The following PARP12 variants were observed in gnomAD, a reference collection of about 807,000 sequenced individuals.
PARP12 encodes the protein poly(ADP-ribose) polymerase family member 12.
PARP12 carries 59 observed loss-of-function variants against 72.4 expected under a neutral mutation model. That is an observed-to-expected ratio of 0.81 (90% confidence interval 0.66 to 1.01). The LOEUF (loss-of-function observed/expected upper bound fraction) is 1.01, where lower values mean the gene tolerates loss of function less well. PARP12 is among the 50% of genes least tolerant of loss of function. The pLI is 0.00. For missense variants in PARP12, 851 were observed against 914.0 expected (o/e 0.93, Z 0.89); for synonymous variants, 403 against 371.4 (o/e 1.09, Z -0.98).
chr7:140,026,879 T>C (rs997171749), intron 10 of PARP12, among the ~76,000 whole-genome samples: 2 of 152,120 alleles, frequency 1.3e-5, no homozygotes, highest in African/African-American at 4.8e-5. Flanking sequence ...GAGTGGGTGC[T>C]CAAGGACAAG....
At chr7:140,061,862 A>T (rs1817460109) in intron 1 of PARP12, among the ~76,000 whole-genome samples, 1 of 151,260 alleles carries the variant, frequency 6.6e-6, no homozygotes, top group Non-Finnish European at 1.5e-5. Context: ...AAAAATCCTC[A>T]AATGGGATGT....
chr7:140,062,791 GC>G lies in PARP12; in HGVS notation c.56del (p.Gly19AlafsTer16), dbSNP rs1554390346. On this transcript the variant is annotated frameshift_variant, in exon 1 of 12. Coordinates refer to ENST00000263549, the MANE Select transcript of PARP12 (RefSeq NM_022750.4). LOFTEE classifies it high-confidence loss of function. ...GCCGCAGCTCGGGCAACTCCAGGGCGCCCCCGGCCGCGCACAGCACCTGGGT... is the reference window on the plus strand; with the variant it reads ...GCCGCAGCTCGGGCAACTCCAGGGCGCCCCGGCCGCGCACAGCACCTGGGT... ...EVTQVLCAAG[G>X]ALELPELRRR... 58 of 1,409,176 alleles carry G rather than the reference GC, an allele frequency of 4.1e-5. No homozygotes were observed. Among genetic ancestry groups the G allele is most frequent in the South Asian group, 1.8e-4 (13 of 71,192 alleles). The allele number at this position is 1,409,176 out of a possible 1,614,324, so 87.3% of individuals were successfully genotyped here.
At chr7:140,033,417 G>C (rs370835368) in intron 8 of PARP12, 10 of 985,282 alleles carry the variant, frequency 1.0e-5, no homozygotes, top group East Asian at 2.3e-4. Flanking sequence ...CCTCTCAGGC[G>C]AACAGAAGGT....
chr7:140,025,434 AACTG>A (rs1173739271), intron 11 of PARP12: 2 of 347,334 alleles, frequency 5.8e-6, no homozygotes, highest in African/African-American at 2.1e-5. Context: ...CTCAGACGGA[AACTG>A]ACTAACAAAG....
rs2116531795 is a variant in PARP12 at position 140,032,437 on chromosome 7, A to G, written c.1421+1798T>C. 1.3e-5 allele frequency among the ~76,000 whole-genome samples: 2 copies of G among 152,164 alleles called. 1 individual carries two copies. The highest frequency in any genetic ancestry group is 4.2e-4 in the South Asian group (2 of 4,818). On this transcript the variant is annotated intron_variant, in intron 8 of 11. Coordinates refer to ENST00000263549, the MANE Select transcript of PARP12 (RefSeq NM_022750.4). Reference sequence around the variant, plus strand: ...AGCGATCCTTCCATCTTGGCCTCCCAAAGTGCTGGGATTATAGGTGTGCAC... The same window carrying G: ...AGCGATCCTTCCATCTTGGCCTCCCGAAGTGCTGGGATTATAGGTGTGCAC...
chr7:140,059,779 G>A (rs1817364095), intron 1 of PARP12, among the ~76,000 whole-genome samples: 1 of 152,180 alleles, frequency 6.6e-6, no homozygotes, highest in Non-Finnish European at 1.5e-5. Context: ...CTCTGATACG[G>A]AGTGGAAAGT....
At chr7:140,053,464 A>G (rs954639803) in intron 4 of PARP12, among the ~76,000 whole-genome samples, 1 of 152,184 alleles carries the variant, frequency 6.6e-6, no homozygotes, top group African/African-American at 2.4e-5. Context: ...ATTATAAAGG[A>G]GCATAAAACA....
chr7:140,048,512 G>A (rs887381573), intron 4 of PARP12, among the ~76,000 whole-genome samples: 24 of 152,186 alleles, frequency 1.6e-4, no homozygotes, highest in Admixed American at 2.6e-4. Flanking sequence ...GTGACATGCA[G>A]CTAGCTACCT....
At chr7:140,038,070 G>A in intron 6 of PARP12, 1 of 985,418 alleles carries the variant, frequency 1.0e-6, no homozygotes, top group Non-Finnish European at 1.2e-6. Flanking sequence ...ACACAATGCA[G>A]TAAATATGGG....
chr7:140,039,074 CG>C (rs1342958690), intron 6 of PARP12, among the ~76,000 whole-genome samples: 1 of 152,130 alleles, frequency 6.6e-6, no homozygotes, highest in African/African-American at 2.4e-5. Flanking sequence ...CCATAAGGGG[CG>C]GGTGTAAGAG....
At chr7:140,045,978 G>A (rs762878124) in intron 5 of PARP12, among the ~76,000 whole-genome samples, 2 of 151,728 alleles carry the variant, frequency 1.3e-5, no homozygotes, top group East Asian at 1.9e-4. Flanking sequence ...AGGTCAGAAC[G>A]GTGGTGAACG....
At chr7:140,048,816 GA>G (rs1816841070) in intron 4 of PARP12, among the ~76,000 whole-genome samples, 2 of 152,154 alleles carry the variant, frequency 1.3e-5, no homozygotes, top group African/African-American at 2.4e-5. Context: ...CCTGTGTAAG[GA>G]AACTGAACAG....
Position 140,057,892 on chromosome 7 carries a change from C to T in PARP12, c.462+7G>A. 1 of 1,614,020 alleles carries T rather than the reference C, an allele frequency of 6.2e-7. No individual in the cohort carries two copies. The highest frequency in any genetic ancestry group is 8.5e-7 in the Non-Finnish European group (1 of 1,179,978). On this transcript the variant is annotated splice_region_variant and intron_variant, in intron 2 of 11. Transcript: ENST00000263549. ...GCTGTGGAACCCAGACTTCCCCTGG[C>T]ACTCACTTCTGGCAAAAGCCAGGGG...
At chr7:140,025,788 A>C (rs2116509326) in intron 11 of PARP12, among the ~76,000 whole-genome samples, 2 of 152,350 alleles carry the variant, frequency 1.3e-5, no homozygotes, top group Middle Eastern at 6.8e-3. Flanking sequence ...ACACTCAGAT[A>C]ACTCACGTGA....
At chr7:140,036,446 CA>C (rs1816200068) in intron 7 of PARP12, among the ~76,000 whole-genome samples, 1 of 152,108 alleles carries the variant, frequency 6.6e-6, no homozygotes, top group Non-Finnish European at 1.5e-5. Flanking sequence ...CGCTCTCCAG[CA>C]GAGGCAGTTC....
intron 1 of PARP12, among the ~76,000 whole-genome samples, chr7:140,059,784 G>T (rs1224149444): frequency 1.3e-5 from 2 of 152,184 alleles, no homozygotes; most frequent in Non-Finnish European, 2.9e-5. Flanking sequence ...ATACGGAGTG[G>T]AAAGTGCAAC....
At chr7:140,031,804 G>A (rs1815948422) in intron 8 of PARP12, among the ~76,000 whole-genome samples, 2 of 151,996 alleles carry the variant, frequency 1.3e-5, no homozygotes, top group African/African-American at 4.8e-5. Context: ...GCTTTGTATA[G>A]GAAAAGAATA....
intron 7 of PARP12, among the ~76,000 whole-genome samples, chr7:140,036,335 G>A (rs1816195898): frequency 6.6e-6 from 1 of 152,176 alleles, no homozygotes; most frequent in Admixed American, 6.5e-5. Context: ...CTGACCTTCA[G>A]GGCAGTCCTG....
intron 1 of PARP12, among the ~76,000 whole-genome samples, chr7:140,059,660 G>C (rs1197644698): frequency 1.3e-5 from 2 of 152,148 alleles, no homozygotes; most frequent in Non-Finnish European, 2.9e-5. Flanking sequence ...GAATCCCCCA[G>C]CTCAGTAAAA....
Sources: allele counts gnomAD v4.1 joint callset (sites outside exome capture counted in the v4.1 genomes callset), GRCh38; gene constraint gnomAD v4.1.1; transcripts MANE v1.5; gene names NCBI Gene and HGNC (gene_info 2026-07-23, HGNC 2026-07-21).